The following YPEL2 variants were observed in gnomAD, a reference collection of about 807,000 sequenced individuals.
YPEL2 encodes yippee like 2.
Under a neutral mutation model 19.1 loss-of-function variants are expected in YPEL2, and 2 were observed. The ratio of observed to expected loss-of-function variants is 0.10; its 90% CI spans 0.04 to 0.33. The LOEUF is 0.33. YPEL2 is among the 10% of genes least tolerant of loss of function. The pLI is 1.00. For missense variants in YPEL2, 66 were observed against 140.7 expected, an observed-to-expected ratio of 0.47 and a Z score of 2.68; for synonymous variants, 52 against 50.0, an observed-to-expected ratio of 1.04 and a Z score of -0.17.
At chr17:59,348,313 C>T (rs1458191704) in intron 1 of YPEL2, among the ~76,000 whole-genome samples, 4 of 152,254 alleles carry the variant, frequency 2.6e-5, no homozygotes, top group African/African-American at 7.2e-5. Context: ...GGTCAGTTTC[C>T]GTGGCTCGGC....
intron 4 of YPEL2, among the ~76,000 whole-genome samples, chr17:59,395,365 G>A (rs1485749454): frequency 1.3e-5 from 2 of 152,162 alleles, no homozygotes; most frequent in South Asian, 2.1e-4. Context: ...CCCCGCAAGG[G>A]TACGCCTCAA....
At chr17:59,360,811 G>A (rs1303889167) in intron 2 of YPEL2, among the ~76,000 whole-genome samples, 7 of 152,162 alleles carry the variant, frequency 4.6e-5, no homozygotes, top group African/African-American at 1.2e-4. Flanking sequence ...AGGATGAAAA[G>A]AGCCATGAAT....
intron 2 of YPEL2, among the ~76,000 whole-genome samples, chr17:59,374,668 T>C (rs1244094499): frequency 6.6e-6 from 1 of 151,994 alleles, no homozygotes; most frequent in Non-Finnish European, 1.5e-5. Flanking sequence ...TAGTATGAAA[T>C]GAAAAAGGTG....
intron 2 of YPEL2, among the ~76,000 whole-genome samples, chr17:59,387,484 C>CA (rs2047986634): frequency 6.6e-6 from 1 of 151,906 alleles, no homozygotes; most frequent in Admixed American, 6.6e-5. Context: ...TGTTAGACCA[C>CA]ATTAAAAATG....
At chr17:59,393,667 G>A (rs1457090296) in intron 4 of YPEL2, among the ~76,000 whole-genome samples, 3 of 147,162 alleles carry the variant, frequency 2.0e-5, no homozygotes, top group Non-Finnish European at 4.5e-5. Context: ...GCGGCCTTCC[G>A]CAGTGTTTGT....
At chr17:59,346,953 A>T (rs1270877254) in intron 1 of YPEL2, among the ~76,000 whole-genome samples, 1 of 152,206 alleles carries the variant, frequency 6.6e-6, no homozygotes, top group African/African-American at 2.4e-5. Flanking sequence ...ACAAGTTGCC[A>T]AATGCCTCCT....
At chr17:59,341,397 A>AG in intron 1 of YPEL2, among the ~76,000 whole-genome samples, 1 of 151,478 alleles carries the variant, frequency 6.6e-6, no homozygotes, top group South Asian at 2.1e-4. Flanking sequence ...GTCTCAAAAA[A>AG]AAAAGGCCAG....
rs899586071 is a variant in YPEL2, at chr17:59,368,412, C to G, written c.117+14886C>G. Among the ~76,000 whole-genome samples the G allele has an allele frequency of 2.0e-5, 3 of 152,112 alleles. No homozygotes were observed. The South Asian group carries it at 6.2e-4, about 31-fold the overall frequency. ...TTCTTGCCCTTAAGTAGCTTATGAT[C>G]TAATGGGGAAGGCAAATAGATAAAC... is the stretch of plus-strand genomic sequence containing the variant. On this transcript the variant is annotated intron_variant, in intron 2 of 4. Coordinates refer to ENST00000312655, the MANE Select transcript of YPEL2 (RefSeq NM_001005404.4).
intron 2 of YPEL2, among the ~76,000 whole-genome samples, chr17:59,387,761 T>C (rs764948077): frequency 1.3e-5 from 2 of 152,246 alleles, no homozygotes; most frequent in Non-Finnish European, 2.9e-5. Flanking sequence ...AGAGCTCCTG[T>C]GCTCCCATTT....
intron 2 of YPEL2, among the ~76,000 whole-genome samples, chr17:59,364,639 A>G (rs963445682): frequency 3.0e-5 from 4 of 133,776 alleles, no homozygotes; most frequent in African/African-American, 1.1e-4. Context: ...TTTTTTTGAG[A>G]CAGAGTCTCG....
intron 2 of YPEL2, among the ~76,000 whole-genome samples, chr17:59,364,157 A>G (rs2047856036): frequency 6.6e-6 from 1 of 152,194 alleles, no homozygotes. Context: ...GGAGTCATAG[A>G]TGCTCAGAAC....
At chr17:59,378,340 T>G (rs1003775240) in intron 2 of YPEL2, among the ~76,000 whole-genome samples, 3 of 114,872 alleles carry the variant, frequency 2.6e-5, no homozygotes, top group Admixed American at 1.8e-4. Context: ...AGTCCCAGAG[T>G]CTCCTCCTTT....
chr17:59,387,078 G>T (rs1303502910), intron 2 of YPEL2, among the ~76,000 whole-genome samples: 1 of 151,976 alleles, frequency 6.6e-6, no homozygotes, highest in Non-Finnish European at 1.5e-5. Context: ...TGGCCAACAT[G>T]GTGAAACCCT....
intron 1 of YPEL2, among the ~76,000 whole-genome samples, chr17:59,339,423 C>G (rs536818364): frequency 2.6e-5 from 4 of 152,274 alleles, no homozygotes; most frequent in East Asian, 1.9e-4. Flanking sequence ...TGAAAACTCC[C>G]TTTTTCTTGT....
intron 3 of YPEL2, 108 bp from the exon 4 acceptor site, chr17:59,389,252 C>G (rs1005625035): frequency 1.0e-6 from 1 of 964,658 alleles, no homozygotes; most frequent in Non-Finnish European, 1.6e-6. Flanking sequence ...TCAGGGTTGG[C>G]TCCCCTTGGG....
chr17:59,388,384 A>C lies in YPEL2; in HGVS notation c.161+14A>C. The C allele has an allele frequency of 6.2e-7, 1 of 1,613,730 alleles. No individual in the cohort carries two copies. Among genetic ancestry groups the C allele is most frequent in the Admixed American group, 1.7e-5 (1 of 60,026 alleles). On this transcript the variant is annotated intron_variant, in intron 3 of 4. Transcript: ENST00000312655. ...CTTTAACTCAGTGTGAGTGCCTCTGAATGGTACATTCCTTGTGGGGTACAG... is the reference window on the plus strand; with the variant it reads ...CTTTAACTCAGTGTGAGTGCCTCTGCATGGTACATTCCTTGTGGGGTACAG...
At chr17:59,357,182 C>T (rs945689250) in intron 2 of YPEL2, among the ~76,000 whole-genome samples, 1 of 152,130 alleles carries the variant, frequency 6.6e-6, no homozygotes, top group African/African-American at 2.4e-5. Flanking sequence ...AGTCTGTTTG[C>T]TTCTCTTGGC....
At chr17:59,382,281 C>T (rs1041224265) in intron 2 of YPEL2, among the ~76,000 whole-genome samples, 13 of 152,228 alleles carry the variant, frequency 8.5e-5, no homozygotes, top group Non-Finnish European at 1.8e-4. Context: ...GGCCTCTCCC[C>T]GCAGACTCTC....
intron 1 of YPEL2, among the ~76,000 whole-genome samples, chr17:59,341,488 G>A (rs921927105): frequency 6.6e-6 from 1 of 151,034 alleles, no homozygotes; most frequent in Non-Finnish European, 1.5e-5. Context: ...GGCAAAACCC[G>A]TCCCTACTAA....
Sources: allele counts gnomAD v4.1 joint callset (sites outside exome capture counted in the v4.1 genomes callset), GRCh38; gene constraint gnomAD v4.1.1; transcripts MANE v1.5; gene names NCBI Gene and HGNC (gene_info 2026-07-23, HGNC 2026-07-21).